ITFG1: variants seen among roughly 807,000 people sequenced by gnomAD.
ITFG1 encodes the protein T-cell immunomodulatory protein.
A neutral mutation model predicts 81.8 loss-of-function variants in ITFG1; 34 were observed. The ratio of observed to expected loss-of-function variants is 0.42; its 90% CI spans 0.32 to 0.55. The LOEUF (loss-of-function observed/expected upper bound fraction) is 0.55. Ranked by LOEUF, ITFG1 falls within the 20% of genes least tolerant of loss-of-function variation. The probability of loss-of-function intolerance (pLI) is 0.17; values close to 1 mark genes in which losing one functional copy is unlikely to be tolerated. For synonymous variants in ITFG1, 285 were observed against 270.6 expected, an observed-to-expected ratio of 1.05 and a Z score of -0.52; for missense variants, 672 against 755.4, an observed-to-expected ratio of 0.89 and a Z score of 1.29.
intron 6 of ITFG1, among the ~76,000 whole-genome samples, chr16:47,400,817 A>C (rs1322574866): frequency 6.6e-6 from 1 of 152,164 alleles, no homozygotes; most frequent in East Asian, 1.9e-4. Flanking sequence ...ATGGGGGTTC[A>C]AGAGAGTTAC....
intron 6 of ITFG1, among the ~76,000 whole-genome samples, chr16:47,386,697 G>C (rs1448714197): frequency 1.3e-5 from 2 of 152,214 alleles, no homozygotes; most frequent in African/African-American, 4.8e-5. Flanking sequence ...TCCTAAAGCA[G>C]GGATGCCTCT....
At chr16:47,298,021 TTTTC>T (rs1159684423) in intron 10 of ITFG1, among the ~76,000 whole-genome samples, 1 of 152,196 alleles carries the variant, frequency 6.6e-6, no homozygotes, top group Non-Finnish European at 1.5e-5. Context: ...TTGTTCATTT[TTTTC>T]TTTTTTTCTG....
At chr16:47,444,578 T>C (rs1410090751) in intron 5 of ITFG1, among the ~76,000 whole-genome samples, 2 of 152,170 alleles carry the variant, frequency 1.3e-5, no homozygotes, top group African/African-American at 4.8e-5. Flanking sequence ...TATTATTACA[T>C]TAACAGGATA....
At chr16:47,213,850 TA>T (rs1219025796) in intron 14 of ITFG1, among the ~76,000 whole-genome samples, 2 of 152,186 alleles carry the variant, frequency 1.3e-5, no homozygotes, top group African/African-American at 4.8e-5. Context: ...GTATCCTTCA[TA>T]ATATCTTTAT....
chr16:47,309,607 T>A (rs1470634875), intron 10 of ITFG1, among the ~76,000 whole-genome samples: 5 of 152,192 alleles, frequency 3.3e-5, no homozygotes, highest in African/African-American at 1.2e-4. Flanking sequence ...TGAACTGAAA[T>A]CTATCCTTCA....
chr16:47,243,339 C>T (rs888455342), intron 12 of ITFG1, among the ~76,000 whole-genome samples: 7 of 152,060 alleles, frequency 4.6e-5, no homozygotes, highest in African/African-American at 1.4e-4. Flanking sequence ...TTATCATATA[C>T]TCTTGTAGTT....
chr16:47,241,393 T>A lies in ITFG1; in HGVS notation c.1331-3385A>T, dbSNP rs576929770. 2.8e-3 allele frequency among the ~76,000 whole-genome samples: 430 copies of A among 152,272 alleles called. 1 individual carries two copies. Among genetic ancestry groups the A allele is most frequent in the Middle Eastern group, 6.8e-3 (2 of 294 alleles). Reference sequence around the variant, plus strand: ...CATAATAGCCAAAAGGTGGAAACCATCCAAATGTCCATCAAATGATGACTG... The same window carrying A: ...CATAATAGCCAAAAGGTGGAAACCAACCAAATGTCCATCAAATGATGACTG... On this transcript the variant is annotated intron_variant, in intron 12 of 17. Coordinates refer to ENST00000320640, the MANE Select transcript of ITFG1 (RefSeq NM_030790.5).
intron 6 of ITFG1, among the ~76,000 whole-genome samples, chr16:47,376,322 A>G (rs1438918552): frequency 6.6e-6 from 1 of 152,184 alleles, no homozygotes; most frequent in African/African-American, 2.4e-5. Flanking sequence ...ACTTACCTAT[A>G]TATCATAGTT....
intron 6 of ITFG1, among the ~76,000 whole-genome samples, chr16:47,407,364 T>C (rs187758895): frequency 9.2e-5 from 14 of 152,038 alleles, no homozygotes; most frequent in Non-Finnish European, 1.8e-4. Flanking sequence ...ATGTTTTTTA[T>C]GTTTTGAGAC....
At chr16:47,338,229 G>A (rs564756123) in intron 8 of ITFG1, among the ~76,000 whole-genome samples, 1 of 152,310 alleles carries the variant, frequency 6.6e-6, no homozygotes, top group East Asian at 1.9e-4. Context: ...GGCCAACATG[G>A]TGAAACCCTG....
chr16:47,310,587 A>C (rs1967242325), intron 10 of ITFG1, among the ~76,000 whole-genome samples: 2 of 152,356 alleles, frequency 1.3e-5, no homozygotes, highest in Middle Eastern at 3.4e-3. Context: ...CAGCATTAAA[A>C]GTCACTGCTA....
rs1014033549 is a variant in ITFG1, at chr16:47,183,750, G to T, written c.1454-21086C>A. The stretch of plus-strand genomic sequence containing the variant: ...AGCGCCTCTCCTCCTCCAAAGGAAC[G>T]CAGTTCCTCACTAGCAACGGAACAA... On this transcript the variant is annotated intron_variant, in intron 14 of 17. Coordinates refer to ENST00000320640, the MANE Select transcript of ITFG1 (RefSeq NM_030790.5). 3.3e-5 allele frequency among the ~76,000 whole-genome samples: 5 copies of T among 152,222 alleles called. No individual in the cohort carries two copies. In the South Asian group the frequency reaches 6.2e-4, roughly 19 times the overall value.
intron 5 of ITFG1, among the ~76,000 whole-genome samples, chr16:47,436,965 C>T (rs986343687): frequency 6.6e-6 from 1 of 152,036 alleles, no homozygotes; most frequent in African/African-American, 2.4e-5. Flanking sequence ...TTAGAGGCAC[C>T]TCATTTAATC....
chr16:47,454,970 C>T (rs979535479), intron 2 of ITFG1, among the ~76,000 whole-genome samples: 16 of 152,122 alleles, frequency 1.1e-4, no homozygotes, highest in African/African-American at 3.6e-4. Flanking sequence ...AGTTCTTTCT[C>T]CCTCTCACTC....
chr16:47,225,619 G>A (rs189443503), intron 13 of ITFG1, among the ~76,000 whole-genome samples: 136 of 152,276 alleles, frequency 8.9e-4, no homozygotes, highest in African/African-American at 3.0e-3. Context: ...AGAAACCCAG[G>A]AGGCTAGAAG....
chr16:47,337,374 A>G (rs1425589121), intron 8 of ITFG1, among the ~76,000 whole-genome samples: 1 of 152,082 alleles, frequency 6.6e-6, no homozygotes, highest in Non-Finnish European at 1.5e-5. Context: ...GTTCAAGACC[A>G]GCCTGGCCAA....
chr16:47,289,145 G>T (rs995186807), intron 10 of ITFG1, among the ~76,000 whole-genome samples: 3 of 152,140 alleles, frequency 2.0e-5, no homozygotes, highest in Non-Finnish European at 2.9e-5. Flanking sequence ...TTAATGTGGT[G>T]TATCACATTT....
intron 14 of ITFG1, among the ~76,000 whole-genome samples, chr16:47,164,131 A>G (rs939904154): frequency 6.6e-6 from 1 of 150,592 alleles, no homozygotes; most frequent in Admixed American, 6.6e-5. Flanking sequence ...GGTATCGCTT[A>G]ACCCCACCCA....
At chr16:47,156,658 G>A (rs1368300171) in intron 17 of ITFG1, among the ~76,000 whole-genome samples, 1 of 152,230 alleles carries the variant, frequency 6.6e-6, no homozygotes, top group African/African-American at 2.4e-5. Flanking sequence ...AGATCCGGGT[G>A]AGGAAAGGGA....
Sources: allele counts gnomAD v4.1 joint callset (sites outside exome capture counted in the v4.1 genomes callset), GRCh38; gene constraint gnomAD v4.1.1; transcripts MANE v1.5; gene names NCBI Gene and HGNC (gene_info 2026-07-23, HGNC 2026-07-21).